JAKMIP2: variants seen among roughly 807,000 people sequenced by gnomAD.
JAKMIP2 encodes janus kinase and microtubule-interacting protein 2.
In JAKMIP2, 25 loss-of-function variants were observed where a neutral mutation model predicts 115.0. The observed-to-expected ratio is 0.22, with a 90% CI of 0.16 to 0.30. The LOEUF (loss-of-function observed/expected upper bound fraction) is 0.30. JAKMIP2 is among the 10% of genes least tolerant of loss of function. The pLI is 1.00. For missense variants in JAKMIP2, 642 were observed against 957.6 expected (o/e 0.67, Z 4.35); for synonymous variants, 334 against 343.6 (o/e 0.97, Z 0.31).
In JAKMIP2 at chr5:147,601,756, T is replaced by G; in HGVS notation, c.*5A>C. 6.6e-7 allele frequency: 1 copy of G among 1,523,418 alleles called. No individual in the cohort carries two copies. Among genetic ancestry groups the G allele is most frequent in the Non-Finnish European group, 8.8e-7 (1 of 1,133,072 alleles). The allele number at this position is 1,523,418 out of a possible 1,614,324, so 94.4% of individuals were successfully genotyped here. ...GGAATCTTACCTTTAAGAGGCACCTTGACATCAAGGCCATAGAATAAAGGC... is the reference window on the plus strand; with the variant it reads ...GGAATCTTACCTTTAAGAGGCACCTGGACATCAAGGCCATAGAATAAAGGC... On this transcript the variant is annotated 3_prime_UTR_variant, in exon 21 of 22. Transcript: ENST00000616793.
chr5:147,635,177 CA>C (rs201577037), intron 12 of JAKMIP2, among the ~76,000 whole-genome samples: 26,708 of 144,706 alleles, frequency 0.18, 2,645 homozygotes, highest in East Asian at 0.38. Context: ...AACTCCGTCT[CA>C]AAAAAAAAAA....
chr5:147,666,268 A>G (rs1759294509), intron 2 of JAKMIP2, among the ~76,000 whole-genome samples: 1 of 152,232 alleles, frequency 6.6e-6, no homozygotes, highest in Non-Finnish European at 1.5e-5. Flanking sequence ...AGATGGCACC[A>G]CTAAGGATAT....
chr5:147,644,017 C>T, intron 7 of JAKMIP2, 41 bp downstream of exon 7: 1 of 1,468,588 alleles, frequency 6.8e-7, no homozygotes, highest in African/African-American at 1.4e-5. Flanking sequence ...GCTACTTGTC[C>T]TTGGGAACAA....
intron 2 of JAKMIP2, among the ~76,000 whole-genome samples, chr5:147,667,752 C>A (rs1759372801): frequency 6.6e-6 from 1 of 152,204 alleles, no homozygotes; most frequent in Non-Finnish European, 1.5e-5. Context: ...GCTACTTATG[C>A]TTCCTGAAAA....
intron 1 of JAKMIP2, among the ~76,000 whole-genome samples, chr5:147,678,152 C>A (rs930704943): frequency 6.6e-6 from 1 of 152,048 alleles, no homozygotes; most frequent in African/African-American, 2.4e-5. Flanking sequence ...TACAGGCATG[C>A]GCCACCACTC....
At chr5:147,702,403 C>T (rs55681447) in intron 1 of JAKMIP2, among the ~76,000 whole-genome samples, 22,109 of 129,134 alleles carry the variant, frequency 0.17, 2,070 homozygotes, top group African/African-American at 0.27. Flanking sequence ...CACTAAAGAA[C>T]TTATGTACCA....
intron 21 of JAKMIP2, among the ~76,000 whole-genome samples, chr5:147,597,047 ATTT>A (rs34946624): frequency 4.5e-3 from 653 of 145,072 alleles, no homozygotes; most frequent in Non-Finnish European, 4.2e-3. Flanking sequence ...TAATTTTTGT[ATTT>A]TTTTTTTTTT....
rs542033118 is a variant in JAKMIP2 at position 147,730,795 on chromosome 5, T to A, written c.-149+51661A>T. On this transcript the variant is annotated intron_variant, in intron 1 of 21. Coordinates refer to ENST00000616793, the MANE Select transcript of JAKMIP2 (RefSeq NM_001270941.2). ...AAGCCAGAATCCTATTAGTTCAGTTTAGTCAGAATTTCCCTTACCGCTGAT... is the reference window on the plus strand; with the variant it reads ...AAGCCAGAATCCTATTAGTTCAGTTAAGTCAGAATTTCCCTTACCGCTGAT... Among the ~76,000 whole-genome samples the A allele has an allele frequency of 2.6e-5, 4 of 152,230 alleles. No homozygotes were observed. In the South Asian group the frequency reaches 6.2e-4, roughly 24 times the overall value.
At chr5:147,756,691 A>G (rs1278228294) in intron 1 of JAKMIP2, among the ~76,000 whole-genome samples, 1 of 152,114 alleles carries the variant, frequency 6.6e-6, no homozygotes, top group Non-Finnish European at 1.5e-5. Flanking sequence ...GTCACCAAGA[A>G]GGTGCAGGGC....
At position 147,671,937 on chromosome 5, in the gene JAKMIP2, AT is replaced by A. The variant is rs1348465481; in HGVS notation, c.-132del. ...GGTGCTCCTTGGTAAGGTCTCCTCA[AT>A]CGCTGCCCTGGAAGCCCTGAGAAGA... On this transcript the variant is annotated 5_prime_UTR_variant, in exon 2 of 22. The change abolishes the stop of an existing upstream ORF in the 5' untranslated region. Transcript: ENST00000616793. 10 of 1,326,266 alleles carry A rather than the reference AT, an allele frequency of 7.5e-6. No homozygotes were observed. The highest frequency in any genetic ancestry group is 9.7e-6 in the Non-Finnish European group (10 of 1,032,560). 82.2% of individuals were successfully genotyped at this position (1,326,266 alleles called of 1,614,324 possible). A position where few individuals can be genotyped will look rare whatever the true frequency, so the allele number is the denominator to read the frequency against.
intron 1 of JAKMIP2, among the ~76,000 whole-genome samples, chr5:147,708,314 T>C (rs969641799): frequency 6.6e-6 from 1 of 152,168 alleles, no homozygotes; most frequent in Non-Finnish European, 1.5e-5. Flanking sequence ...CCATATCACC[T>C]GAGGAGTTTG....
Position 147,586,416 on chromosome 5 carries a change from G to A in JAKMIP2, c.*5291C>T, listed in dbSNP as rs935015643. 1 of 152,076 alleles carries A rather than the reference G, an allele frequency of 6.6e-6. No homozygotes were observed. The highest frequency in any genetic ancestry group is 2.4e-5 in the African/African-American group (1 of 41,380). 9.4% of individuals were successfully genotyped at this position (152,076 alleles called of 1,614,324 possible). A position where few individuals can be genotyped will look rare whatever the true frequency, so the allele number is the denominator to read the frequency against. On this transcript the variant is annotated 3_prime_UTR_variant, in exon 22 of 22. Transcript: ENST00000616793. ...GAGATGTCAGTCAAATAGAAGTGTT[G>A]TTACTAACAGATGCTGGGGATCTGT...
rs1754896204 is a variant in JAKMIP2 at position 147,586,872 on chromosome 5, T to G, written c.*4835A>C. ...CCTTCTGAGTAGCTATCTTTAGGAA[T>G]TTTGATTAAGCATTGGACTTGGACT... On this transcript the variant is annotated 3_prime_UTR_variant, in exon 22 of 22. Coordinates refer to ENST00000616793, the MANE Select transcript of JAKMIP2 (RefSeq NM_001270941.2). The G allele has an allele frequency of 6.6e-6, 1 of 151,774 alleles. No individual in the cohort carries two copies. The highest frequency in any genetic ancestry group is 2.1e-4 in the South Asian group (1 of 4,810). 9.4% of individuals were successfully genotyped at this position (151,774 alleles called of 1,614,324 possible).
chr5:147,595,275 C>A, intron 21 of JAKMIP2: 1 of 278,170 alleles, frequency 3.6e-6, no homozygotes, highest in Non-Finnish European at 7.5e-6. Context: ...GAAAGTTAAT[C>A]CCCAGTGCAA....
intron 11 of JAKMIP2, 107 bp from the exon 12 acceptor site, chr5:147,636,391 G>A (rs1757615905): frequency 1.2e-6 from 1 of 854,888 alleles, no homozygotes; most frequent in African/African-American, 1.7e-5. Flanking sequence ...CTGTTTGTTT[G>A]CCTGCCAAAG....
chr5:147,640,633 C>A (rs1464568268), intron 9 of JAKMIP2, 71 bp downstream of exon 9: 10 of 1,526,838 alleles, frequency 6.5e-6, no homozygotes, highest in Non-Finnish European at 9.0e-6. Context: ...AAGTGAAATC[C>A]TTTTTCTTCC....
intron 2 of JAKMIP2, among the ~76,000 whole-genome samples, chr5:147,669,521 G>T (rs571264279): frequency 6.6e-5 from 10 of 152,286 alleles, no homozygotes; most frequent in African/African-American, 2.4e-4. Flanking sequence ...TATTGGCAGT[G>T]TTGAAGTCCT....
chr5:147,623,989 C>G (rs1756982245), intron 16 of JAKMIP2, among the ~76,000 whole-genome samples: 1 of 152,106 alleles, frequency 6.6e-6, no homozygotes. Flanking sequence ...CGCCTGCCAC[C>G]ACGCCTGGCT....
intron 16 of JAKMIP2, among the ~76,000 whole-genome samples, chr5:147,624,333 T>G (rs548207125): frequency 6.6e-6 from 1 of 152,058 alleles, no homozygotes. Flanking sequence ...TGAGTGATAA[T>G]TGCACTGGGG....
Sources: allele counts gnomAD v4.1 joint callset (sites outside exome capture counted in the v4.1 genomes callset), GRCh38; gene constraint gnomAD v4.1.1; transcripts MANE v1.5; gene names NCBI Gene and HGNC (gene_info 2026-07-23, HGNC 2026-07-21).